CLEC2A: variants seen among roughly 807,000 people sequenced by gnomAD.
The protein encoded by CLEC2A is keratinocyte-associated C-type lectin.
Under a neutral mutation model 18.6 loss-of-function variants are expected in CLEC2A, and 19 were observed. The observed-to-expected ratio is 1.02, with a 90% CI of 0.71 to 1.50. The LOEUF is 1.50. Among genes scored for constraint, CLEC2A ranks in the 40% most tolerant of loss-of-function variants. The probability of loss-of-function intolerance (pLI) is 0.00; values close to 1 mark genes in which losing one functional copy is unlikely to be tolerated. For synonymous variants in CLEC2A, 74 were observed against 64.0 expected, an observed-to-expected ratio of 1.16 and a Z score of -0.75; for missense variants, 190 against 207.9, an observed-to-expected ratio of 0.91 and a Z score of 0.53.
the CLEC2A span, among the ~76,000 whole-genome samples, chr12:9,884,244 A>G: frequency 1.3e-5 from 2 of 152,070 alleles, no homozygotes; most frequent in Non-Finnish European, 2.9e-5. Context: ...TAAGGAAGCT[A>G]TTCTTGCCAA....
the CLEC2A span, among the ~76,000 whole-genome samples, chr12:9,888,069 A>AAG: frequency 6.7e-6 from 1 of 150,374 alleles, no homozygotes; most frequent in East Asian, 1.9e-4. Context: ...AAAAAAAAAA[A>AAG]AAAAAGTTAA....
chr12:9,931,846 C>T (rs1179325698), intron 1 of CLEC2A, among the ~76,000 whole-genome samples: 1 of 152,026 alleles, frequency 6.6e-6, no homozygotes, highest in Admixed American at 6.5e-5. Flanking sequence ...TGTTTCAATC[C>T]ACTGAAAACA....
chr12:9,899,844 T>C (rs191545725), intron 4 of CLEC2A, among the ~76,000 whole-genome samples: 3 of 152,320 alleles, frequency 2.0e-5, no homozygotes, highest in African/African-American at 7.2e-5. Context: ...GCATTCTGCC[T>C]CTTAACTTCC....
At chr12:9,908,776 G>T (rs936464513), downstream of CLEC2A, among the ~76,000 whole-genome samples, 1 of 152,108 alleles carries the variant, frequency 6.6e-6, no homozygotes, top group Non-Finnish European at 1.5e-5. Context: ...TGGCCCCCCT[G>T]TGTTCTTTAT....
At chr12:9,890,551 C>A in the CLEC2A span, among the ~76,000 whole-genome samples, 2 of 152,170 alleles carry the variant, frequency 1.3e-5, no homozygotes, top group Non-Finnish European at 2.9e-5. Flanking sequence ...CTCTTGTACA[C>A]CCTCCCGAAA....
chr12:9,888,007 G>T, the CLEC2A span, among the ~76,000 whole-genome samples: 3 of 128,580 alleles, frequency 2.3e-5, no homozygotes, highest in Admixed American at 9.1e-5. Context: ...AGTGAGCCAT[G>T]ATGGCCCACT....
chr12:9,919,424 C>G (rs1244480735), intron 3 of CLEC2A, among the ~76,000 whole-genome samples: 1 of 152,166 alleles, frequency 6.6e-6, no homozygotes, highest in African/African-American at 2.4e-5. Context: ...ATGGACTGGC[C>G]TCCTCTCCTG....
At chr12:9,887,157 A>G in the CLEC2A span, among the ~76,000 whole-genome samples, 1 of 152,184 alleles carries the variant, frequency 6.6e-6, no homozygotes, top group African/African-American at 2.4e-5. Flanking sequence ...ATAATGAAAA[A>G]AGTAATATAA....
the CLEC2A span, among the ~76,000 whole-genome samples, chr12:9,891,904 A>G: frequency 6.6e-6 from 1 of 152,236 alleles, no homozygotes; most frequent in Admixed American, 6.5e-5. Flanking sequence ...CTAAAATATT[A>G]ATGAAAATAT....
the CLEC2A span, among the ~76,000 whole-genome samples, chr12:9,888,054 CAAAA>C: frequency 1.8e-4 from 12 of 65,484 alleles, no homozygotes; most frequent in Middle Eastern, 0.011. Context: ...GACCCTGTGT[CAAAA>C]AAAAAAAAAA....
chr12:9,889,235 T>TAAC, the CLEC2A span, among the ~76,000 whole-genome samples: 18 of 152,164 alleles, frequency 1.2e-4, no homozygotes, highest in African/African-American at 4.3e-4. Flanking sequence ...ATTATAATAA[T>TAAC]AACTGTGTCA....
At chr12:9,903,347 A>T (rs534760738) in intron 4 of CLEC2A, among the ~76,000 whole-genome samples, 1 of 152,190 alleles carries the variant, frequency 6.6e-6, no homozygotes, top group African/African-American at 2.4e-5. Flanking sequence ...AGAATACAAT[A>T]TAATATCCTA....
chr12:9,881,757 G>T, the CLEC2A span: 1 of 903,666 alleles, frequency 1.1e-6, no homozygotes, highest in Non-Finnish European at 1.7e-6. Flanking sequence ...TCTTAACATT[G>T]ATCATAATAA....
At chr12:9,894,167 C>G (rs1215133366), downstream of CLEC2A, among the ~76,000 whole-genome samples, 1 of 128,112 alleles carries the variant, frequency 7.8e-6, no homozygotes, top group African/African-American at 3.1e-5. Flanking sequence ...TCCCTTCCTT[C>G]TTTGTTTCTT....
chr12:9,896,192 G>A (rs960922194), downstream of CLEC2A, among the ~76,000 whole-genome samples: 1 of 152,192 alleles, frequency 6.6e-6, no homozygotes, highest in Non-Finnish European at 1.5e-5. Context: ...AGATTGGAAG[G>A]AAAGAAGCAG....
At chr12:9,914,607 A>G (rs919771553) in intron 4 of CLEC2A, among the ~76,000 whole-genome samples, 3 of 152,180 alleles carry the variant, frequency 2.0e-5, no homozygotes, top group Non-Finnish European at 4.4e-5. Context: ...AAAACAAGCA[A>G]TGGGGGAAGG....
chr12:9,908,425 G>C (rs559838333), downstream of CLEC2A, among the ~76,000 whole-genome samples: 45 of 152,296 alleles, frequency 3.0e-4, no homozygotes, highest in Admixed American at 9.2e-4. Context: ...TTTCTTCTAA[G>C]ATTTTAGCTT....
At chr12:9,881,781 G>T in the CLEC2A span, 1 of 782,602 alleles carries the variant, frequency 1.3e-6, no homozygotes. Flanking sequence ...ATATAAAAAT[G>T]GTCATAAATT....
intron 4 of CLEC2A, among the ~76,000 whole-genome samples, chr12:9,907,999 G>A (rs1445148805): frequency 6.6e-6 from 1 of 152,196 alleles, no homozygotes; most frequent in Non-Finnish European, 1.5e-5. Context: ...TCTTGTGCTA[G>A]TCGGTATGAC....
Sources: allele counts gnomAD v4.1 joint callset (sites outside exome capture counted in the v4.1 genomes callset), GRCh38; gene constraint gnomAD v4.1.1; transcripts MANE v1.5; gene names NCBI Gene and HGNC (gene_info 2026-07-23, HGNC 2026-07-21).